The following SCOC variants were observed in gnomAD, a reference collection of about 807,000 sequenced individuals.
SCOC encodes the protein short coiled-coil protein, also known as short coiled coil protein.
SCOC carries 7 observed loss-of-function variants against 9.9 expected under a neutral mutation model. That is an observed-to-expected ratio of 0.71 (90% CI 0.40 to 1.33). The LOEUF is 1.33. SCOC is among the 40% of genes most tolerant of loss of function. The probability of loss-of-function intolerance (pLI) is 0.01; values close to 1 mark genes in which losing one functional copy is unlikely to be tolerated. For missense variants in SCOC, 66 were observed against 89.7 expected (o/e 0.74, Z 1.07); for synonymous variants, 19 against 28.2 (o/e 0.67, Z 1.03).
At chr4:140,305,815 C>T (rs1331922012) in intron 1 of SCOC, among the ~76,000 whole-genome samples, 1 of 152,104 alleles carries the variant, frequency 6.6e-6, no homozygotes, top group Non-Finnish European at 1.5e-5. Context: ...CAGAGAGTAA[C>T]AAGTCAGCAT....
intron 1 of SCOC, among the ~76,000 whole-genome samples, chr4:140,298,919 G>A (rs564432097): frequency 3.0e-4 from 45 of 152,196 alleles, no homozygotes; most frequent in Non-Finnish European, 4.4e-4. Flanking sequence ...GGGGCCAAGC[G>A]ATCCTCCCAC....
In SCOC at chr4:140,383,036, T is replaced by C. The variant is rs556875613; in HGVS notation, c.*1932T>C. Reference sequence around the variant, plus strand: ...AATTTGCAGAAAAAGAACATGGAAGTGTACATATGCAAGGTGTTATGGGCT... The same window carrying C: ...AATTTGCAGAAAAAGAACATGGAAGCGTACATATGCAAGGTGTTATGGGCT... On this transcript the variant is annotated 3_prime_UTR_variant, in exon 4 of 4. Coordinates refer to ENST00000608372, the MANE Select transcript of SCOC (RefSeq NM_001153484.2). The C allele has an allele frequency of 1.3e-5, 2 of 152,314 alleles. No individual in the cohort carries two copies. The highest frequency in any genetic ancestry group is 4.8e-5 in the African/African-American group (2 of 41,566). The allele number at this position is 152,314 out of a possible 1,614,324, so 9.4% of individuals were successfully genotyped here.
intron 1 of SCOC, among the ~76,000 whole-genome samples, chr4:140,313,215 A>G (rs1732205094): frequency 6.6e-6 from 1 of 152,236 alleles, no homozygotes. Context: ...CCTGAAGTTT[A>G]TCCTGTAAGC....
In SCOC at chr4:140,380,971, C is replaced by T; in HGVS notation, c.116C>T (p.Ala39Val). Residue 39 changes from alanine to valine, a missense_variant, in exon 4 of 4, where the codon GCA becomes GTA. By Grantham distance (64) the Ala-to-Val change is moderately conservative. Transcript: ENST00000608372. ...ELQHTLEDLSARVDAVKEENL... is the reference protein window; with the variant it reads ...ELQHTLEDLSVRVDAVKEENL... ...TTTATTTTTTATATAGATCTCTCTGCAAGAGTAGATGCAGTTAAGGAAGAA... is the reference window on the plus strand; with the variant it reads ...TTTATTTTTTATATAGATCTCTCTGTAAGAGTAGATGCAGTTAAGGAAGAA... 1.3e-6 allele frequency: 2 copies of T among 1,583,042 alleles called. No individual in the cohort carries two copies. Among genetic ancestry groups the T allele is most frequent in the Non-Finnish European group, 1.7e-6 (2 of 1,169,502 alleles).
intron 1 of SCOC, among the ~76,000 whole-genome samples, chr4:140,317,132 A>G (rs749436929): frequency 2.0e-5 from 3 of 152,078 alleles, no homozygotes; most frequent in African/African-American, 4.8e-5. Flanking sequence ...AGCCACACCT[A>G]AGACAGGGGA....
intron 2 of SCOC, among the ~76,000 whole-genome samples, chr4:140,361,300 C>A (rs929404038): frequency 6.6e-6 from 1 of 151,710 alleles, no homozygotes; most frequent in Admixed American, 6.6e-5. Flanking sequence ...CTAGAACTGA[C>A]TGTCACGTGA....
intron 2 of SCOC, among the ~76,000 whole-genome samples, chr4:140,352,232 C>G (rs985002312): frequency 6.6e-6 from 1 of 152,144 alleles, no homozygotes; most frequent in Non-Finnish European, 1.5e-5. Flanking sequence ...AAGATCATCT[C>G]TAGTATGTTG....
At chr4:140,274,742 T>C (rs1482019170) in intron 1 of SCOC, among the ~76,000 whole-genome samples, 4 of 152,244 alleles carry the variant, frequency 2.6e-5, no homozygotes, top group Admixed American at 2.6e-4. Flanking sequence ...CTTCCTAAAA[T>C]ACAACTTTCA....
rs1194964806 is a variant in SCOC at position 140,350,102 on chromosome 4, AC to A, written c.70+6396del. Among the ~76,000 whole-genome samples, 3 of 151,702 alleles carry A rather than the reference AC, an allele frequency of 2.0e-5. No individual in the cohort carries two copies. The East Asian group carries it at 5.8e-4, about 29-fold the overall frequency. On this transcript the variant is annotated intron_variant, in intron 2 of 4. Coordinates refer to the SCOC transcript ENST00000338517. ...TTCTCACTTTGGAATAACACTACCC[AC>A]CTTTCTTTTTGTCTGGTCAATTCCT...
intron 1 of SCOC, among the ~76,000 whole-genome samples, chr4:140,326,643 AC>A (rs10706298): frequency 0.29 from 44,112 of 151,642 alleles, 8,773 homozygotes; most frequent in African/African-American, 0.57. Flanking sequence ...TTATAGGCAG[AC>A]CCCCCCCCCT....
chr4:140,293,512 G>A (rs756720504), intron 1 of SCOC: 2 of 397,988 alleles, frequency 5.0e-6, no homozygotes, highest in Non-Finnish European at 1.0e-5. Context: ...AGGGAAAGAA[G>A]GATTGGATAG....
intron 1 of SCOC, among the ~76,000 whole-genome samples, chr4:140,324,034 T>C (rs940142635): frequency 6.6e-6 from 1 of 151,736 alleles, no homozygotes; most frequent in Non-Finnish European, 1.5e-5. Context: ...CCAATTGGGG[T>C]TTATAGCAGA....
chr4:140,259,051 A>G (rs1411439877), intron 1 of SCOC, among the ~76,000 whole-genome samples: 2 of 152,256 alleles, frequency 1.3e-5, no homozygotes, highest in African/African-American at 4.8e-5. Flanking sequence ...GCAGCATTTA[A>G]TACAGAAATG....
rs1033249348 is a variant in SCOC at position 140,270,659 on chromosome 4, AC to A, written c.-19+13252del. ...CAATGACTAGGATACAGGACTAGTG[AC>A]CCAAATGTGAGAGCCCAGAGAAAGG... On this transcript the variant is annotated intron_variant, in intron 1 of 4. Coordinates refer to the SCOC transcript ENST00000394205. 1.8e-4 allele frequency among the ~76,000 whole-genome samples: 27 copies of A among 152,176 alleles called. 1 individual carries two copies. The highest frequency in any genetic ancestry group is 4.4e-5 in the Non-Finnish European group (3 of 68,024).
At chr4:140,275,559 G>A (rs1330570602) in intron 1 of SCOC, among the ~76,000 whole-genome samples, 1 of 152,218 alleles carries the variant, frequency 6.6e-6, no homozygotes, top group African/African-American at 2.4e-5. Context: ...TTAGTAAGCA[G>A]TTGTTGCATA....
Position 140,355,617 on chromosome 4 carries a change from G to A in SCOC, c.70+11909G>A, listed in dbSNP as rs148108832. ...ATAAGGTGCCTGCATTGCAGGTACT[G>A]AATAATGAAATATGGTCCTCTAGTT... On this transcript the variant is annotated intron_variant, in intron 2 of 4. Coordinates refer to the SCOC transcript ENST00000338517. 6.4e-3 allele frequency among the ~76,000 whole-genome samples: 977 copies of A among 152,258 alleles called. 12 individuals carry two copies. Among genetic ancestry groups the A allele is most frequent in the Non-Finnish European group, 0.011 (721 of 68,018 alleles).
chr4:140,360,817 T>C (rs1461545104), intron 2 of SCOC: 1 of 152,222 alleles, frequency 6.6e-6, no homozygotes, highest in African/African-American at 2.4e-5. Flanking sequence ...GAGGTTTCTA[T>C]TCAGATTCAA....
chr4:140,314,937 A>G (rs1340457318), intron 1 of SCOC, among the ~76,000 whole-genome samples: 1 of 152,082 alleles, frequency 6.6e-6, no homozygotes, highest in Non-Finnish European at 1.5e-5. Context: ...TTTCCTGTTC[A>G]TTCTTACAAT....
At chr4:140,349,031 C>T (rs1560713283) in intron 2 of SCOC, among the ~76,000 whole-genome samples, 2 of 152,192 alleles carry the variant, frequency 1.3e-5, no homozygotes, top group Non-Finnish European at 2.9e-5. Context: ...TCTATTTAGG[C>T]TCATTACCCA....
Sources: gnomAD v4.1 joint callset for allele counts (sites outside exome capture counted in the v4.1 genomes callset) on GRCh38, gnomAD v4.1.1 for gene constraint, MANE v1.5 for transcripts, NCBI Gene and HGNC (gene_info 2026-07-23, HGNC 2026-07-21) for gene names.